Variants in CACNB2 observed in about 807,000 individuals in gnomAD.
CACNB2 encodes the protein voltage-dependent L-type calcium channel subunit beta-2.
CACNB2 carries 42 observed loss-of-function variants against 73.3 expected under a neutral mutation model. The observed-to-expected ratio is 0.57, with a 90% CI of 0.45 to 0.74. CACNB2 has a LOEUF of 0.74. Among genes scored for constraint, CACNB2 ranks in the 30% least tolerant of loss-of-function variants. The pLI, the probability that CACNB2 is intolerant of heterozygous loss-of-function variation, is 0.00. For missense variants in CACNB2, 940 were observed against 853.0 expected (o/e 1.10, Z -1.27); for synonymous variants, 348 against 310.3 (o/e 1.12, Z -1.28).
At chr10:18,509,318 GT>G (rs2050645639) in intron 6 of CACNB2, among the ~76,000 whole-genome samples, 1 of 152,234 alleles carries the variant, frequency 6.6e-6, no homozygotes, top group Admixed American at 6.5e-5. Context: ...AAGAATATAA[GT>G]ATCTGCCTAA....
rs2053971681 is a variant in CACNB2 at position 18,539,836 on chromosome 10, G to T, written c.*112G>T. 9.2e-7 allele frequency: 1 copy of T among 1,086,146 alleles called. No individual in the cohort carries two copies. The highest frequency in any genetic ancestry group is 2.4e-5 in the Admixed American group (1 of 41,648). The allele number at this position is 1,086,146 out of a possible 1,614,324, so 67.3% of individuals were successfully genotyped here. ...ACTGCAATCATATGTGATCTGTCTT[G>T]TAATATTTTGTATTATTGCTGTTGC... is the stretch of plus-strand genomic sequence containing the variant. On this transcript the variant is annotated 3_prime_UTR_variant, in exon 14 of 14. Coordinates refer to ENST00000324631, the MANE Select transcript of CACNB2 (RefSeq NM_201596.3).
At position 18,360,502 on chromosome 10, in the gene CACNB2, G is replaced by T. The variant is rs78064807; in HGVS notation, c.214-41422G>T. ...GCCTCACAAAGTGCTGGGATTACAG[G>T]CATGCACCACTGCACCCAGCCTTAT... On this transcript the variant is annotated intron_variant, in intron 2 of 13. Coordinates refer to ENST00000324631, the MANE Select transcript of CACNB2 (RefSeq NM_201596.3). 3.5e-3 allele frequency among the ~76,000 whole-genome samples: 539 copies of T among 152,290 alleles called. 4 individuals carry two copies. The highest frequency in any genetic ancestry group is 5.2e-3 in the Non-Finnish European group (356 of 68,020).
chr10:18,228,305 C>T (rs2036081073), intron 2 of CACNB2, among the ~76,000 whole-genome samples: 2 of 151,572 alleles, frequency 1.3e-5, no homozygotes, highest in African/African-American at 2.4e-5. Flanking sequence ...TGGCACATGC[C>T]TGTAATCCCA....
chr10:18,201,674 A>G (rs2034889435), intron 2 of CACNB2, among the ~76,000 whole-genome samples: 1 of 152,226 alleles, frequency 6.6e-6, no homozygotes, highest in South Asian at 2.1e-4. Flanking sequence ...TTAGGGCGAT[A>G]GCATATCCGT....
chr10:18,237,436 C>T (rs1411510741), intron 2 of CACNB2, among the ~76,000 whole-genome samples: 1 of 152,088 alleles, frequency 6.6e-6, no homozygotes, highest in African/African-American at 2.4e-5. Context: ...GATGCATCTA[C>T]AAGCCAAGGA....
At chr10:18,484,296 A>C (rs1275777132) in intron 3 of CACNB2, among the ~76,000 whole-genome samples, 2 of 152,024 alleles carry the variant, frequency 1.3e-5, no homozygotes, top group African/African-American at 4.8e-5. Flanking sequence ...TGGGAGGCTG[A>C]GGCAGGAGAA....
At chr10:18,179,191 A>G (rs542253195) in intron 2 of CACNB2, among the ~76,000 whole-genome samples, 1 of 152,344 alleles carries the variant, frequency 6.6e-6, no homozygotes, top group East Asian at 1.9e-4. Context: ...CAAAAGGAAT[A>G]ACCCTTTAGC....
intron 5 of CACNB2, among the ~76,000 whole-genome samples, chr10:18,502,955 T>C (rs1467668616): frequency 6.6e-6 from 1 of 151,614 alleles, no homozygotes; most frequent in African/African-American, 2.4e-5. Flanking sequence ...ACCCCGAAAC[T>C]AAAAGTAAAA....
chr10:18,243,524 A>C (rs2036742582), intron 2 of CACNB2, among the ~76,000 whole-genome samples: 1 of 152,162 alleles, frequency 6.6e-6, no homozygotes, highest in Non-Finnish European at 1.5e-5. Flanking sequence ...TTGAAATTTG[A>C]TTCCCAATGA....
chr10:18,251,691 G>A (rs529656275), intron 2 of CACNB2, among the ~76,000 whole-genome samples: 3 of 152,356 alleles, frequency 2.0e-5, no homozygotes, highest in Non-Finnish European at 4.4e-5. Flanking sequence ...AGGAGGCATG[G>A]CTGAGAAGCC....
chr10:18,434,032 T>C (rs1231962642), intron 3 of CACNB2, among the ~76,000 whole-genome samples: 4 of 152,114 alleles, frequency 2.6e-5, no homozygotes, highest in Non-Finnish European at 4.4e-5. Context: ...CCAGTTAATT[T>C]TGAGCTTTCT....
intron 2 of CACNB2, among the ~76,000 whole-genome samples, chr10:18,287,291 T>C (rs1369937679): frequency 6.6e-6 from 1 of 152,098 alleles, no homozygotes; most frequent in African/African-American, 2.4e-5. Flanking sequence ...ATCACACCAC[T>C]GCACTCCAGC....
At chr10:18,194,669 C>G (rs1413685515) in intron 2 of CACNB2, among the ~76,000 whole-genome samples, 2 of 152,286 alleles carry the variant, frequency 1.3e-5, no homozygotes, top group Admixed American at 6.5e-5. Flanking sequence ...TGTTTAGTGT[C>G]TCCTATTAGA....
intron 2 of CACNB2, among the ~76,000 whole-genome samples, chr10:18,281,852 T>G (rs941104033): frequency 2.0e-5 from 3 of 151,892 alleles, no homozygotes; most frequent in African/African-American, 7.3e-5. Context: ...TGATAGTGCA[T>G]GGCTATAGTC....
In CACNB2 at chr10:18,229,412, C is replaced by A. The variant is rs549649535; in HGVS notation, c.213+78437C>A. Among the ~76,000 whole-genome samples, 10 of 152,196 alleles carry A rather than the reference C, an allele frequency of 6.6e-5. No individual in the cohort carries two copies. In the South Asian group the frequency reaches 8.3e-4, roughly 13 times the overall value. On this transcript the variant is annotated intron_variant, in intron 2 of 13. Transcript: ENST00000324631. ...AGTCTTATTAGACCACAGATATGTA[C>A]CCAGCCAAATTTAATGTGGGATTTT...
At chr10:18,162,774 A>G (rs1489878599) in intron 2 of CACNB2, among the ~76,000 whole-genome samples, 1 of 152,214 alleles carries the variant, frequency 6.6e-6, no homozygotes, top group Non-Finnish European at 1.5e-5. Context: ...ACCTGGAGGA[A>G]GTATGTGTTC....
chr10:18,443,915 A>G (rs964267768), intron 3 of CACNB2, among the ~76,000 whole-genome samples: 5 of 152,066 alleles, frequency 3.3e-5, no homozygotes, highest in African/African-American at 1.2e-4. Context: ...AGGTTTCGCC[A>G]TGTTGGCCAG....
At chr10:18,160,560 A>G (rs1303153537) in intron 2 of CACNB2, among the ~76,000 whole-genome samples, 1 of 152,192 alleles carries the variant, frequency 6.6e-6, no homozygotes, top group East Asian at 1.9e-4. Flanking sequence ...TAAAGTAACT[A>G]GCATAACTAG....
chr10:18,530,592 A>G (rs558582970), intron 10 of CACNB2, among the ~76,000 whole-genome samples: 42 of 152,170 alleles, frequency 2.8e-4, no homozygotes, highest in African/African-American at 1.0e-3. Context: ...TGTAGAGTAT[A>G]TCATGTAATG....
Sources: allele counts gnomAD v4.1 joint callset (sites outside exome capture counted in the v4.1 genomes callset), GRCh38; gene constraint gnomAD v4.1.1; transcripts MANE v1.5; gene names NCBI Gene and HGNC (gene_info 2026-07-23, HGNC 2026-07-21).